RNF170: variants seen among roughly 807,000 people sequenced by gnomAD.
The protein encoded by RNF170 is ring finger protein 170, also known as E3 ubiquitin-protein ligase RNF170.
In RNF170, 12 loss-of-function variants were observed where a neutral mutation model predicts 32.7. The ratio of observed to expected loss-of-function variants is 0.37; its 90% CI spans 0.24 to 0.60. The LOEUF is 0.60. Among genes scored for constraint, RNF170 ranks in the 20% least tolerant of loss-of-function variants. The pLI is 0.72. For synonymous variants in RNF170, 91 were observed against 103.6 expected (o/e 0.88, Z 0.74); for missense variants, 212 against 311.2 (o/e 0.68, Z 2.40).
At chr8:42,896,849 G>A (rs867407045), upstream of RNF170, 3 of 257,368 alleles carry the variant, frequency 1.2e-5, no homozygotes, top group African/African-American at 2.3e-5. Flanking sequence ...CCAGGGCGGC[G>A]GCGCTGGGGA....
At chr8:42,866,515 C>T (rs933512335) in intron 4 of RNF170, among the ~76,000 whole-genome samples, 14 of 149,856 alleles carry the variant, frequency 9.3e-5, no homozygotes, top group South Asian at 4.2e-4. Context: ...ATCTGGGAGG[C>T]GGAGGTTGCA....
chr8:42,890,438 C>T lies in RNF170; in HGVS notation c.-7-2567G>A, dbSNP rs138828753. 4.1e-3 allele frequency among the ~76,000 whole-genome samples: 627 copies of T among 151,896 alleles called. 7 individuals are homozygous for T. The highest frequency in any genetic ancestry group is 0.017 in the Middle Eastern group (5 of 294). On this transcript the variant is annotated intron_variant, in intron 1 of 6. Transcript: ENST00000527424. ...GACTACAGGCGCCCCCCACCACACC[C>T]GGCTAATTTTTTCTGTTTTTAGTAG...
At chr8:42,888,067 T>G (rs1258552448) in intron 1 of RNF170, among the ~76,000 whole-genome samples, 196 bp from the exon 2 acceptor site, 2 of 152,218 alleles carry the variant, frequency 1.3e-5, no homozygotes, top group East Asian at 3.8e-4. Flanking sequence ...AACAAAATTC[T>G]ATTTCTATTT....
At chr8:42,880,475 T>C (rs1450297203) in intron 2 of RNF170, among the ~76,000 whole-genome samples, 1 of 152,162 alleles carries the variant, frequency 6.6e-6, no homozygotes, top group Non-Finnish European at 1.5e-5. Context: ...TGTTGTCTCA[T>C]TTTAAGAAAT....
chr8:42,868,783 C>T (rs1221808465), intron 4 of RNF170, among the ~76,000 whole-genome samples: 1 of 147,620 alleles, frequency 6.8e-6, no homozygotes, highest in Non-Finnish European at 1.5e-5. Flanking sequence ...ACCTGGGAGG[C>T]AGAGGTTGCA....
intron 5 of RNF170, among the ~76,000 whole-genome samples, chr8:42,863,511 G>A (rs1006957039): frequency 6.6e-5 from 10 of 152,040 alleles, no homozygotes; most frequent in Admixed American, 3.3e-4. Flanking sequence ...ACACCACCTC[G>A]GCTCACTGCA....
chr8:42,876,550 C>G (rs952001115), intron 2 of RNF170, among the ~76,000 whole-genome samples: 4 of 152,060 alleles, frequency 2.6e-5, no homozygotes, highest in African/African-American at 9.7e-5. Context: ...CGCTAGACAC[C>G]AGATCTGACA....
chr8:42,865,679 T>A (rs997731981), intron 4 of RNF170, among the ~76,000 whole-genome samples, 190 bp from the exon 5 acceptor site: 3 of 152,314 alleles, frequency 2.0e-5, no homozygotes, highest in Admixed American at 6.5e-5. Flanking sequence ...ATTAAAAATT[T>A]TTTTATTTAA....
intron 1 of RNF170, among the ~76,000 whole-genome samples, chr8:42,893,144 T>C (rs923059088): frequency 2.0e-5 from 3 of 152,232 alleles, no homozygotes; most frequent in Non-Finnish European, 4.4e-5. Flanking sequence ...ATCTTATTAC[T>C]GTTAGTAGTG....
chr8:42,861,770 C>A lies in RNF170; in HGVS notation c.482G>T (p.Arg161Leu). The change falls in exon 6 of 7, where the codon CGG (arginine) becomes CTG (leucine). Residue 161 changes from arginine (R) to leucine (L), a missense_variant. Arg to Leu is a moderately radical substitution (Grantham distance 102). Coordinates refer to ENST00000527424, the MANE Select transcript of RNF170 (RefSeq NM_030954.4). ...RLHQDINDYN[R>L]RFSGQPRSIM... ...AGATCTGGGTTGCCCTGAGAATCTCCGGTTATAATCATTAATATCCTGATG... is the reference window on the plus strand; with the variant it reads ...AGATCTGGGTTGCCCTGAGAATCTCAGGTTATAATCATTAATATCCTGATG... The A allele has an allele frequency of 6.2e-7, 1 of 1,613,352 alleles. No homozygotes were observed. Among genetic ancestry groups the A allele is most frequent in the Non-Finnish European group, 8.5e-7 (1 of 1,179,546 alleles).
chr8:42,863,258 T>C (rs1803792421), intron 5 of RNF170, among the ~76,000 whole-genome samples: 1 of 152,056 alleles, frequency 6.6e-6, no homozygotes, highest in African/African-American at 2.4e-5. Context: ...CTCTAGTCAA[T>C]TTATGGATGG....
intron 3 of RNF170, 73 bp downstream of exon 3, chr8:42,873,858 T>C (rs1349737911): frequency 1.2e-6 from 1 of 859,418 alleles, no homozygotes; most frequent in Non-Finnish European, 2.0e-6. Context: ...AGTAATTTAG[T>C]AATGTTTTAT....
At chr8:42,885,071 G>A (rs1024664845) in intron 2 of RNF170, among the ~76,000 whole-genome samples, 2 of 151,046 alleles carry the variant, frequency 1.3e-5, no homozygotes, top group Non-Finnish European at 2.9e-5. Flanking sequence ...TCGCCTGAGA[G>A]CCACCATTCT....
intron 5 of RNF170, among the ~76,000 whole-genome samples, chr8:42,864,341 T>G (rs946733625): frequency 6.6e-6 from 1 of 152,080 alleles, no homozygotes; most frequent in Non-Finnish European, 1.5e-5. Flanking sequence ...CTTCAAGTGA[T>G]CCTCCTGCCT....
chr8:42,870,837 A>G (rs754273064), intron 3 of RNF170, among the ~76,000 whole-genome samples: 11 of 152,216 alleles, frequency 7.2e-5, no homozygotes, highest in Admixed American at 4.6e-4. Context: ...AAACATCTAG[A>G]TATCAAAGAC....
upstream of RNF170, chr8:42,896,690 C>A (rs775418393): frequency 5.1e-5 from 21 of 409,416 alleles, 1 homozygote; most frequent in South Asian, 3.3e-4. Flanking sequence ...GCCTCCAGGG[C>A]GGAGCGCGTG....
At chr8:42,896,938 C>A, upstream of RNF170, 1 of 395,166 alleles carries the variant, frequency 2.5e-6, no homozygotes. Flanking sequence ...CGCGCGGTCC[C>A]GAGTGAAAGG....
At chr8:42,896,686 AG>A (rs1563283126), upstream of RNF170, 5 of 418,464 alleles carry the variant, frequency 1.2e-5, no homozygotes, top group African/African-American at 2.2e-5. Flanking sequence ...CGCAGCCTCC[AG>A]GGCGGAGCGC....
In RNF170 at chr8:42,886,746, G is replaced by A. The variant is rs566222523; in HGVS notation, c.137+982C>T. 4.6e-5 allele frequency among the ~76,000 whole-genome samples: 7 copies of A among 152,258 alleles called. No individual in the cohort carries two copies. In the East Asian group the frequency reaches 1.4e-3, roughly 30 times the overall value. Reference sequence around the variant, plus strand: ...CCAGCCTAAATTAATTTTAGAATCAGGTGCAGTGGTGCATACCTGTAGTCC... The same window carrying A: ...CCAGCCTAAATTAATTTTAGAATCAAGTGCAGTGGTGCATACCTGTAGTCC... On this transcript the variant is annotated intron_variant, in intron 2 of 6. Coordinates refer to ENST00000527424, the MANE Select transcript of RNF170 (RefSeq NM_030954.4).
Sources: allele counts gnomAD v4.1 joint callset (sites outside exome capture counted in the v4.1 genomes callset), GRCh38; gene constraint gnomAD v4.1.1; transcripts MANE v1.5; gene names NCBI Gene and HGNC (gene_info 2026-07-23, HGNC 2026-07-21).